CD247: variants seen among roughly 807,000 people sequenced by gnomAD.
CD247 encodes T-cell surface glycoprotein CD3 zeta chain.
In CD247, 13 loss-of-function variants were observed where a neutral mutation model predicts 30.0. The observed-to-expected ratio is 0.43, with a 90% CI of 0.28 to 0.69. The LOEUF (loss-of-function observed/expected upper bound fraction) is 0.69, where lower values mean the gene tolerates loss of function less well. Ranked by LOEUF, CD247 falls within the 30% of genes least tolerant of loss-of-function variation. The pLI is 0.16. For synonymous variants in CD247, 72 were observed against 80.0 expected (o/e 0.90, Z 0.53); for missense variants, 193 against 212.6 (o/e 0.91, Z 0.57).
In CD247 at chr1:167,438,607, T is replaced by C. The variant is rs143180729; in HGVS notation, c.263A>G (p.Lys88Arg). ...CATCTCAGGGTCCCGGCCACGTCTC[T>C]TGTCCAAAACATCGTACTCCTCTCT... Reference protein sequence around the residue: ...GRREEYDVLDKRRGRDPEMGG... With the variant: ...GRREEYDVLDRRRGRDPEMGG... Residue 88 changes from lysine (K) to arginine (R), a missense_variant, in exon 4 of 8, where the codon AAG becomes AGG. Transcript: ENST00000362089. The C allele has an allele frequency of 2.4e-5, 39 of 1,614,022 alleles. No homozygotes were observed. The highest frequency in any genetic ancestry group is 3.3e-5 in the Non-Finnish European group (39 of 1,179,986).
chr1:167,486,341 C>T (rs190206103), intron 1 of CD247, among the ~76,000 whole-genome samples: 107 of 152,238 alleles, frequency 7.0e-4, no homozygotes, highest in African/African-American at 2.4e-3. Flanking sequence ...GGAAGTGCTG[C>T]GGGACATGAG....
chr1:167,495,409 GGAA>G (rs1315286536), intron 1 of CD247, among the ~76,000 whole-genome samples: 1 of 152,128 alleles, frequency 6.6e-6, no homozygotes, highest in African/African-American at 2.4e-5. Context: ...CCTACCAGAG[GGAA>G]GAAGAGTGTG....
Position 167,433,005 on chromosome 1 carries a change from G to T in CD247, c.429+19C>A, listed in dbSNP as rs769910123. 6.2e-7 allele frequency: 1 copy of T among 1,614,074 alleles called. No homozygotes were observed. The highest frequency in any genetic ancestry group is 1.1e-5 in the South Asian group (1 of 91,086). On this transcript the variant is annotated intron_variant, in intron 7 of 7. Transcript: ENST00000362089. ...TCAGGTGGTGCCCCTTCCACTGAAG[G>T]GACGCCGGCAGCTCCTACCTGGTAA...
Position 167,431,441 on chromosome 1 carries a change from C to G in CD247, c.*240G>C. The G allele has an allele frequency of 1.7e-6, 1 of 604,680 alleles. No homozygotes were observed. The highest frequency in any genetic ancestry group is 2.9e-6 in the Non-Finnish European group (1 of 339,400). The allele number at this position is 604,680 out of a possible 1,614,324, so 37.5% of individuals were successfully genotyped here. ...CAGGAGACAGGTCTACCTGCACCACCGGCAAACCAGAGGGCCCAAGGCCAG... is the reference window on the plus strand; with the variant it reads ...CAGGAGACAGGTCTACCTGCACCACGGGCAAACCAGAGGGCCCAAGGCCAG... On this transcript the variant is annotated 3_prime_UTR_variant, in exon 8 of 8. Coordinates refer to ENST00000362089, the MANE Select transcript of CD247 (RefSeq NM_198053.3).
Position 167,440,783 on chromosome 1 carries a change from A to G in CD247, c.59-16T>C. The G allele has an allele frequency of 1.3e-6, 2 of 1,587,048 alleles. No homozygotes were observed. The highest frequency in any genetic ancestry group is 1.7e-6 in the Non-Finnish European group (2 of 1,157,320). On this transcript the variant is annotated splice_polypyrimidine_tract_variant and intron_variant, in intron 1 of 7. Transcript: ENST00000362089. ...CTCTGTGCCTCTGTGCCAAGAGATAAAGCTGGTCAGCCAGGCCCAAGGTGA... is the reference window on the plus strand; with the variant it reads ...CTCTGTGCCTCTGTGCCAAGAGATAGAGCTGGTCAGCCAGGCCCAAGGTGA...
At chr1:167,484,143 C>G (rs1462652382) in intron 1 of CD247, among the ~76,000 whole-genome samples, 3 of 152,212 alleles carry the variant, frequency 2.0e-5, no homozygotes, top group African/African-American at 4.8e-5. Flanking sequence ...CCTCATTCCT[C>G]GTGCCCCACA....
At chr1:167,460,773 T>A (rs549386935) in intron 1 of CD247, among the ~76,000 whole-genome samples, 1 of 152,272 alleles carries the variant, frequency 6.6e-6, no homozygotes, top group East Asian at 1.9e-4. Flanking sequence ...TGGTGTGTGA[T>A]GTTCCCCGCC....
chr1:167,436,166 G>A (rs1004246038), intron 4 of CD247, among the ~76,000 whole-genome samples: 2 of 152,136 alleles, frequency 1.3e-5, no homozygotes, highest in African/African-American at 4.8e-5. Flanking sequence ...TTCAACAAAC[G>A]AAATCAATAA....
chr1:167,439,229 C>T, intron 3 of CD247, 115 bp downstream of exon 3: 1 of 906,356 alleles, frequency 1.1e-6, no homozygotes, highest in Non-Finnish European at 1.9e-6. Flanking sequence ...AGCCGGGTCG[C>T]AGAGGTGATA....
chr1:167,477,023 C>T (rs967689868), intron 1 of CD247, among the ~76,000 whole-genome samples: 1 of 152,332 alleles, frequency 6.6e-6, no homozygotes, highest in African/African-American at 2.4e-5. Context: ...ATGGAAGAGG[C>T]TATTGGCCCC....
chr1:167,485,836 T>TTC, intron 1 of CD247, among the ~76,000 whole-genome samples: 1 of 152,290 alleles, frequency 6.6e-6, no homozygotes, highest in East Asian at 1.9e-4. Flanking sequence ...CTCTGCCTCC[T>TTC]TCTGGCTGAG....
chr1:167,446,128 G>A (rs922389832), intron 1 of CD247, among the ~76,000 whole-genome samples: 3 of 152,098 alleles, frequency 2.0e-5, no homozygotes, highest in African/African-American at 4.8e-5. Flanking sequence ...TTATGGCTTC[G>A]ATGCAGCTGA....
intron 1 of CD247, among the ~76,000 whole-genome samples, chr1:167,467,178 C>A (rs374310522): frequency 6.6e-6 from 1 of 152,192 alleles, no homozygotes; most frequent in Non-Finnish European, 1.5e-5. Flanking sequence ...CAGGAGGCAA[C>A]GGAAGATTTA....
At chr1:167,474,896 G>A (rs1287183926) in intron 1 of CD247, among the ~76,000 whole-genome samples, 3 of 151,664 alleles carry the variant, frequency 2.0e-5, no homozygotes, top group Non-Finnish European at 2.9e-5. Flanking sequence ...GGGATTACAG[G>A]CGCCCACCAC....
At chr1:167,486,198 T>C (rs1326795021) in intron 1 of CD247, among the ~76,000 whole-genome samples, 1 of 152,152 alleles carries the variant, frequency 6.6e-6, no homozygotes, top group African/African-American at 2.4e-5. Context: ...ATCAAGAAAC[T>C]GGTTTGGTTC....
intron 1 of CD247, among the ~76,000 whole-genome samples, chr1:167,506,054 C>A (rs575175059): frequency 2.2e-4 from 33 of 152,168 alleles, no homozygotes; most frequent in Non-Finnish European, 4.3e-4. Flanking sequence ...ATTTCTTGAT[C>A]TGTATTATTT....
chr1:167,495,652 G>A (rs1043514238), intron 1 of CD247, among the ~76,000 whole-genome samples: 1 of 152,094 alleles, frequency 6.6e-6, no homozygotes, highest in Non-Finnish European at 1.5e-5. Flanking sequence ...AAGCTTGTTT[G>A]CAACTGTCAC....
chr1:167,509,774 C>T (rs994382074), intron 1 of CD247, among the ~76,000 whole-genome samples: 10 of 152,102 alleles, frequency 6.6e-5, no homozygotes, highest in Non-Finnish European at 1.5e-4. Flanking sequence ...CTGGGAGATC[C>T]CCATACATCT....
intron 1 of CD247, among the ~76,000 whole-genome samples, chr1:167,508,766 GA>G (rs1655255801): frequency 6.6e-6 from 1 of 152,192 alleles, no homozygotes; most frequent in Non-Finnish European, 1.5e-5. Flanking sequence ...ACTCAGCATG[GA>G]AATTAGCACA....
Sources: gnomAD v4.1 joint callset for allele counts (sites outside exome capture counted in the v4.1 genomes callset) on GRCh38, gnomAD v4.1.1 for gene constraint, MANE v1.5 for transcripts, NCBI Gene and HGNC (gene_info 2026-07-23, HGNC 2026-07-21) for gene names.